Variants in PPME1 observed in about 807,000 individuals in gnomAD.
The protein encoded by PPME1 is protein phosphatase methylesterase 1, also known as testicular secretory protein Li 39.
PPME1 carries 17 observed loss-of-function variants against 56.9 expected under a neutral mutation model. The ratio of observed to expected loss-of-function variants is 0.30; its 90% CI spans 0.20 to 0.45. The LOEUF is 0.45. PPME1 is among the 20% of genes least tolerant of loss of function. PPME1 has a pLI of 1.00. For synonymous variants in PPME1, 122 were observed against 156.2 expected (o/e 0.78, Z 1.63); for missense variants, 357 against 483.2 (o/e 0.74, Z 2.45).
intron 8 of PPME1, among the ~76,000 whole-genome samples, chr11:74,236,886 A>G (rs1859203421): frequency 6.6e-6 from 1 of 152,234 alleles, no homozygotes; most frequent in Non-Finnish European, 1.5e-5. Context: ...ATTCTTTAAT[A>G]TCATCAAATA....
chr11:74,173,162 A>G (rs964776409), intron 1 of PPME1, among the ~76,000 whole-genome samples: 1 of 152,212 alleles, frequency 6.6e-6, no homozygotes, highest in African/African-American at 2.4e-5. Context: ...GCTTTGGAAG[A>G]CAGAAAAGTT....
chr11:74,219,633 A>G (rs1858746972), intron 3 of PPME1, among the ~76,000 whole-genome samples: 1 of 152,196 alleles, frequency 6.6e-6, no homozygotes, highest in South Asian at 2.1e-4. Flanking sequence ...TAAGTGAAAT[A>G]AGCCAGGCAC....
In PPME1 at chr11:74,232,039, C is replaced by T. The variant is rs1859080397; in HGVS notation, c.644+1037C>T. On this transcript the variant is annotated intron_variant, in intron 7 of 13. Transcript: ENST00000328257. ...ATAAATGTCTTCATCATCCTATCTT[C>T]CTTCCTATTCTTCTAACTCCATCTC... 1.3e-5 allele frequency among the ~76,000 whole-genome samples: 2 copies of T among 152,196 alleles called. 1 individual carries two copies. The highest frequency in any genetic ancestry group is 1.3e-4 in the Admixed American group (2 of 15,272).
intron 3 of PPME1, among the ~76,000 whole-genome samples, chr11:74,216,369 A>G (rs537236631): frequency 2.4e-4 from 36 of 152,208 alleles, no homozygotes; most frequent in Non-Finnish European, 4.4e-4. Context: ...ACACATAGAA[A>G]ATAAACACTA....
chr11:74,235,084 C>A (rs941664353), intron 7 of PPME1, among the ~76,000 whole-genome samples: 3 of 152,158 alleles, frequency 2.0e-5, no homozygotes, highest in Non-Finnish European at 4.4e-5. Context: ...AGTAAGAAAT[C>A]ATGTCATTAT....
chr11:74,191,044 A>C (rs1345787366), intron 1 of PPME1, among the ~76,000 whole-genome samples: 1 of 152,254 alleles, frequency 6.6e-6, no homozygotes, highest in Non-Finnish European at 1.5e-5. Context: ...GGTATCAGAT[A>C]CAGGAGCAAA....
chr11:74,232,860 A>ATTTTT (rs35057762), intron 7 of PPME1, among the ~76,000 whole-genome samples: 192 of 93,812 alleles, frequency 2.0e-3, no homozygotes, highest in African/African-American at 4.8e-3. Flanking sequence ...TTGTTATTTG[A>ATTTTT]TTTTTTTTTT....
intron 3 of PPME1, among the ~76,000 whole-genome samples, chr11:74,216,324 A>C (rs1285103862): frequency 6.6e-6 from 1 of 152,198 alleles, no homozygotes; most frequent in African/African-American, 2.4e-5. Context: ...TAAAACTAGT[A>C]ATCAATAAGA....
chr11:74,239,391 G>A, intron 9 of PPME1, 135 bp downstream of exon 9: 1 of 1,362,312 alleles, frequency 7.3e-7, no homozygotes, highest in South Asian at 1.6e-5. Flanking sequence ...TATCATAAGA[G>A]ATACTTAGCT....
In PPME1 at chr11:74,253,751, T is replaced by C. The variant is rs1859764619; in HGVS notation, c.*241T>C. 6.8e-6 allele frequency: 4 copies of C among 590,452 alleles called. No individual in the cohort carries two copies. Among genetic ancestry groups the C allele is most frequent in the Non-Finnish European group, 1.2e-5 (4 of 332,058 alleles). 36.6% of individuals were successfully genotyped at this position (590,452 alleles called of 1,614,324 possible). On this transcript the variant is annotated 3_prime_UTR_variant, in exon 14 of 14. Transcript: ENST00000328257. ...GGCTCCCCTGCTCCTTTCCCTTCCC[T>C]GTACTGGGGTAGCTCCTGCCTGCTC...
chr11:74,249,624 C>T (rs1859601607), intron 11 of PPME1: 1 of 152,184 alleles, frequency 6.6e-6, no homozygotes, highest in Non-Finnish European at 1.5e-5. Context: ...TCGCTAAAGA[C>T]TTAAGCATCT....
At chr11:74,182,862 A>G (rs1261844056) in intron 1 of PPME1, among the ~76,000 whole-genome samples, 1 of 152,072 alleles carries the variant, frequency 6.6e-6, no homozygotes, top group Non-Finnish European at 1.5e-5. Flanking sequence ...GTGAGAGTCA[A>G]AAGTAAGGCT....
At chr11:74,206,479 T>C (rs1327115174) in intron 3 of PPME1, among the ~76,000 whole-genome samples, 12 of 152,178 alleles carry the variant, frequency 7.9e-5, no homozygotes, top group Admixed American at 6.5e-4. Context: ...CTTTAAACAA[T>C]AGCATTTAAG....
Position 74,230,975 on chromosome 11 carries a change from A to G in PPME1, c.617A>G (p.Lys206Arg), listed in dbSNP as rs1320607429. The stretch of plus-strand genomic sequence containing the variant: ...TTACGGGGTCGTCCTAAAACCTTCA[A>G]GTCTCTGGAGAATGCTATTGAATGG... ...NFLRGRPKTF[K>R]SLENAIEWSV... The change falls in exon 7 of 14, where the codon AAG becomes AGG. Residue 206 changes from lysine (K) to arginine (R), a missense_variant. Physicochemically the swap from Lys to Arg is conservative, Grantham distance 26. Around this residue, in one of 2 missense-constraint regions of PPME1, gnomAD observed 182 missense variants for 293.8 expected, o/e 0.62. Transcript: ENST00000328257. This position sits in a 1 kb window ranked among gnomAD's most constrained non-coding sequence, Gnocchi z 4.9. 3.1e-6 allele frequency: 5 copies of G among 1,601,674 alleles called. No individual in the cohort carries two copies. Among genetic ancestry groups the G allele is most frequent in the East Asian group, 4.5e-5 (2 of 44,602 alleles).
intron 3 of PPME1, among the ~76,000 whole-genome samples, chr11:74,211,367 G>T (rs1380704973): frequency 6.6e-6 from 1 of 152,102 alleles, no homozygotes; most frequent in East Asian, 1.9e-4. Context: ...GAGCAATCTG[G>T]TCTTTCAGAT....
intron 1 of PPME1, among the ~76,000 whole-genome samples, chr11:74,195,342 A>G (rs1366813417): frequency 2.6e-5 from 4 of 152,166 alleles, no homozygotes; most frequent in Non-Finnish European, 4.4e-5. Context: ...TACATTATTT[A>G]GCTTTGCCTG....
intron 5 of PPME1, among the ~76,000 whole-genome samples, chr11:74,226,039 A>G (rs538705789): frequency 6.6e-6 from 1 of 152,314 alleles, no homozygotes; most frequent in East Asian, 1.9e-4. Flanking sequence ...TAATTTAAGA[A>G]TAAACATTTT....
intron 1 of PPME1, chr11:74,198,982 C>CT (rs1293480500): frequency 6.6e-6 from 1 of 152,236 alleles, no homozygotes; most frequent in Non-Finnish European, 1.5e-5. Context: ...TCTCCACTAT[C>CT]TAATTGTGTC....
chr11:74,245,948 T>A, intron 9 of PPME1, 128 bp from the exon 10 acceptor site: 1 of 1,031,856 alleles, frequency 9.7e-7, no homozygotes, highest in South Asian at 1.8e-5. Flanking sequence ...TATTAAAATG[T>A]CTAGGACTTA....
Sources: allele counts gnomAD v4.1 joint callset (sites outside exome capture counted in the v4.1 genomes callset), GRCh38; gene constraint gnomAD v4.1.1; regional missense constraint gnomAD v4.1.1; non-coding constraint Gnocchi (gnomAD v3.1); transcripts MANE v1.5; gene names NCBI Gene and HGNC (gene_info 2026-07-23, HGNC 2026-07-21).